The following ANTXR1 variants were observed in gnomAD, a reference collection of about 807,000 sequenced individuals.
ANTXR1 encodes the protein ANTXR cell adhesion molecule 1.
ANTXR1 carries 19 observed loss-of-function variants against 78.1 expected under a neutral mutation model. That is an observed-to-expected ratio of 0.24 (90% CI 0.17 to 0.36). ANTXR1 has a LOEUF of 0.36. ANTXR1 is among the 10% of genes least tolerant of loss of function. The probability of loss-of-function intolerance (pLI) is 1.00; values close to 1 mark genes in which losing one functional copy is unlikely to be tolerated. For missense variants in ANTXR1, 518 were observed against 718.6 expected (o/e 0.72, Z 3.19); for synonymous variants, 273 against 260.5 (o/e 1.05, Z -0.46).
intron 3 of ANTXR1, among the ~76,000 whole-genome samples, chr2:69,049,562 G>A (rs1217224215): frequency 1.3e-5 from 2 of 151,960 alleles, no homozygotes; most frequent in African/African-American, 4.8e-5. Context: ...CACCCACCTC[G>A]GCCTTCCAAA....
chr2:69,034,962 T>A (rs1671637314), intron 1 of ANTXR1, among the ~76,000 whole-genome samples: 1 of 152,214 alleles, frequency 6.6e-6, no homozygotes, highest in Non-Finnish European at 1.5e-5. Flanking sequence ...AGGAGTCCAC[T>A]TAGGTCTTCA....
At chr2:69,031,640 C>A (rs947172430) in intron 1 of ANTXR1, among the ~76,000 whole-genome samples, 1 of 152,118 alleles carries the variant, frequency 6.6e-6, no homozygotes, top group Admixed American at 6.5e-5. Flanking sequence ...GCTTTCTGTC[C>A]CTCTGCTGTA....
At chr2:69,196,363 A>G (rs1674667719) in intron 17 of ANTXR1, among the ~76,000 whole-genome samples, 1 of 152,234 alleles carries the variant, frequency 6.6e-6, no homozygotes, top group Non-Finnish European at 1.5e-5. Flanking sequence ...CTAAAATAAG[A>G]TACATGAGAG....
chr2:69,024,070 G>C (rs1671274234), intron 1 of ANTXR1, among the ~76,000 whole-genome samples: 1 of 152,124 alleles, frequency 6.6e-6, no homozygotes, highest in Non-Finnish European at 1.5e-5. Flanking sequence ...TTTGCAGTGA[G>C]GATGAAGGAA....
chr2:69,238,728 G>T (rs1267075824), intron 17 of ANTXR1, among the ~76,000 whole-genome samples: 1 of 152,202 alleles, frequency 6.6e-6, no homozygotes, highest in Non-Finnish European at 1.5e-5. Flanking sequence ...AACTAGGCCA[G>T]AGAGAAAAGG....
chr2:69,106,224 G>GC (rs1431018865), intron 10 of ANTXR1, among the ~76,000 whole-genome samples: 1 of 152,178 alleles, frequency 6.6e-6, no homozygotes, highest in Non-Finnish European at 1.5e-5. Context: ...GTTAATACAT[G>GC]CTTCTCTCCC....
At chr2:69,125,930 A>G (rs1294742907) in intron 12 of ANTXR1, among the ~76,000 whole-genome samples, 1 of 152,182 alleles carries the variant, frequency 6.6e-6, no homozygotes, top group Non-Finnish European at 1.5e-5. Context: ...AACTGAATAC[A>G]TTTCTCCATT....
chr2:69,039,698 T>A (rs565148416), intron 1 of ANTXR1, among the ~76,000 whole-genome samples: 1 of 152,122 alleles, frequency 6.6e-6, no homozygotes, highest in East Asian at 1.9e-4. Flanking sequence ...ATCAGAGAAA[T>A]AATTTAATAG....
intron 13 of ANTXR1, among the ~76,000 whole-genome samples, chr2:69,157,491 C>T (rs982737054): frequency 2.6e-5 from 4 of 151,880 alleles, no homozygotes; most frequent in African/African-American, 9.7e-5. Context: ...TTCACGTTAC[C>T]CCCTAAACCT....
At chr2:69,023,812 A>G (rs893161132) in intron 1 of ANTXR1, among the ~76,000 whole-genome samples, 2 of 152,192 alleles carry the variant, frequency 1.3e-5, no homozygotes, top group African/African-American at 4.8e-5. Flanking sequence ...GGCTTCATAG[A>G]GGAGGTGACT....
In ANTXR1 at chr2:69,245,434, T is replaced by G. The variant is rs776531211; in HGVS notation, c.1644T>G (p.Pro548=). ...TTCCCCCTCCTCCCCAGGCTCCACC[T>G]CCCAACAGGGCACCTCCTCCCTCCC... ...STLPPPPQAP[P]PNRAPPPSRP... Residue 548 remains proline, a synonymous_variant, in exon 18 of 18, where the codon CCT becomes CCG. Coordinates refer to ENST00000303714, the MANE Select transcript of ANTXR1 (RefSeq NM_032208.3). 2 of 1,345,984 alleles carry G rather than the reference T, an allele frequency of 1.5e-6. No individual in the cohort carries two copies. The highest frequency in any genetic ancestry group is 2.3e-5 in the South Asian group (2 of 85,460). The allele number at this position is 1,345,984 out of a possible 1,614,324, so 83.4% of individuals were successfully genotyped here. A position where few individuals can be genotyped will look rare whatever the true frequency, so the allele number is the denominator to read the frequency against.
intron 8 of ANTXR1, among the ~76,000 whole-genome samples, chr2:69,090,157 T>C (rs1036806847): frequency 6.6e-6 from 1 of 151,736 alleles, no homozygotes; most frequent in African/African-American, 2.4e-5. Flanking sequence ...TTCCAGACTT[T>C]CCAAGCAAAA....
chr2:69,237,895 G>T (rs1163501531), intron 17 of ANTXR1, among the ~76,000 whole-genome samples: 3 of 152,096 alleles, frequency 2.0e-5, no homozygotes, highest in Non-Finnish European at 4.4e-5. Flanking sequence ...AATTTTACAT[G>T]GAAAGCCAAA....
At chr2:69,021,213 G>A (rs755998151) in intron 1 of ANTXR1, among the ~76,000 whole-genome samples, 2 of 152,290 alleles carry the variant, frequency 1.3e-5, no homozygotes, top group South Asian at 2.1e-4. Context: ...CATTTCACAC[G>A]TGAGGAGACC....
chr2:69,135,025 G>A, intron 12 of ANTXR1: 1 of 420,938 alleles, frequency 2.4e-6, no homozygotes, highest in South Asian at 1.7e-5. Context: ...ACAATCATTA[G>A]AGACGGTAAA....
intron 13 of ANTXR1, 67 bp from the exon 14 acceptor site, chr2:69,170,181 C>T (rs1008470609): frequency 3.7e-5 from 58 of 1,574,966 alleles, no homozygotes; most frequent in Non-Finnish European, 4.8e-5. Flanking sequence ...TACCTCCTGA[C>T]AGCAAGCCTC....
intron 12 of ANTXR1, among the ~76,000 whole-genome samples, chr2:69,142,852 A>G (rs1673107891): frequency 6.6e-6 from 1 of 152,186 alleles, no homozygotes; most frequent in Non-Finnish European, 1.5e-5. Flanking sequence ...CTGGAGAGAT[A>G]AGAGAGGGCT....
intron 16 of ANTXR1, among the ~76,000 whole-genome samples, chr2:69,187,091 A>G (rs1243998020): frequency 6.6e-6 from 1 of 152,198 alleles, no homozygotes; most frequent in African/African-American, 2.4e-5. Flanking sequence ...ATTGCTTTAC[A>G]TGAAATGGGG....
intron 13 of ANTXR1, among the ~76,000 whole-genome samples, chr2:69,158,492 T>A (rs1324001926): frequency 6.6e-6 from 1 of 152,202 alleles, no homozygotes; most frequent in East Asian, 1.9e-4. Context: ...GCTCATTCTA[T>A]CACAAGTATT....
Sources: gnomAD v4.1 joint callset for allele counts (sites outside exome capture counted in the v4.1 genomes callset) on GRCh38, gnomAD v4.1.1 for gene constraint, MANE v1.5 for transcripts, NCBI Gene and HGNC (gene_info 2026-07-23, HGNC 2026-07-21) for gene names.